SH3KBP1: variants seen among roughly 807,000 people sequenced by gnomAD.
The protein encoded by SH3KBP1 is SH3 domain-containing kinase-binding protein 1.
A neutral mutation model predicts 50.1 loss-of-function variants in SH3KBP1; 8 were observed. The observed-to-expected ratio is 0.16, with a 90% confidence interval of 0.09 to 0.29. SH3KBP1 has a LOEUF of 0.29. Ranked by LOEUF, SH3KBP1 falls within the 10% of genes least tolerant of loss-of-function variation. SH3KBP1 has a pLI of 1.00. For synonymous variants in SH3KBP1, 227 were observed against 218.6 expected (o/e 1.04, Z -0.34); for missense variants, 377 against 535.2 (o/e 0.70, Z 2.92).
chrX:19,780,101 C>G (rs1404255721), intron 2 of SH3KBP1, among the ~76,000 whole-genome samples: 1 of 108,679 alleles, frequency 9.2e-6, no homozygotes, highest in African/African-American at 3.3e-5. Context: ...TCTCCAGCAC[C>G]TGTTGTTTCC....
intron 1 of SH3KBP1, among the ~76,000 whole-genome samples, chrX:19,859,353 G>A (rs1165137274): frequency 9.0e-6 from 1 of 110,623 alleles, no homozygotes; most frequent in Non-Finnish European, 1.9e-5. Context: ...TCACCATGTT[G>A]GCCAGACTGG....
chrX:19,633,086 G>T (rs1325232371), intron 7 of SH3KBP1, among the ~76,000 whole-genome samples: 32 of 111,671 alleles, frequency 2.9e-4, no homozygotes. Flanking sequence ...AACAACCAGA[G>T]ATTGTGACAT....
At chrX:19,686,972 C>G (rs968978533) in intron 5 of SH3KBP1, among the ~76,000 whole-genome samples, 1 of 112,089 alleles carries the variant, frequency 8.9e-6, no homozygotes, top group Non-Finnish European at 1.9e-5. Flanking sequence ...TAATTTAACA[C>G]TCACATGGAT....
chrX:19,764,657 G>A (rs971331187), intron 2 of SH3KBP1, among the ~76,000 whole-genome samples: 5 of 111,481 alleles, frequency 4.5e-5, no homozygotes, highest in African/African-American at 1.6e-4. Context: ...AAAAGGCGAT[G>A]GTGCATTATC....
intron 3 of SH3KBP1, chrX:19,740,774 G>A (rs747149939): frequency 3.1e-6 from 1 of 327,546 alleles, no homozygotes; most frequent in East Asian, 1.0e-4. Context: ...TCCATCCTTT[G>A]TTAACAGTTT....
intron 13 of SH3KBP1, among the ~76,000 whole-genome samples, chrX:19,554,275 A>G: frequency 1.1e-5 from 1 of 87,010 alleles, no homozygotes; most frequent in Admixed American, 1.6e-4. Context: ...ATTAAAATAT[A>G]TATCATATTA....
At chrX:19,842,090 T>C (rs2068237588) in intron 1 of SH3KBP1, among the ~76,000 whole-genome samples, 2 of 111,428 alleles carry the variant, frequency 1.8e-5, no homozygotes, top group African/African-American at 6.5e-5. Flanking sequence ...GGACTGCAGA[T>C]GGGTATGAAG....
intron 5 of SH3KBP1, among the ~76,000 whole-genome samples, chrX:19,694,378 C>T (rs2148635708): frequency 9.0e-6 from 1 of 111,245 alleles, no homozygotes; most frequent in Admixed American, 9.5e-5. Flanking sequence ...TCTCCCCTCC[C>T]AGTAGTACTC....
At chrX:19,667,691 A>G (rs1219490421) in intron 6 of SH3KBP1, among the ~76,000 whole-genome samples, 1 of 111,718 alleles carries the variant, frequency 9.0e-6, no homozygotes. Flanking sequence ...AATATATTTT[A>G]CAACAATAAA....
At chrX:19,700,044 C>A in intron 4 of SH3KBP1, among the ~76,000 whole-genome samples, 1 of 111,094 alleles carries the variant, frequency 9.0e-6, no homozygotes, top group Admixed American at 9.5e-5. Context: ...ACTTTGATAC[C>A]CAAACCCCAG....
At chrX:19,626,964 C>T (rs1190778377) in intron 8 of SH3KBP1, among the ~76,000 whole-genome samples, 1 of 111,598 alleles carries the variant, frequency 9.0e-6, no homozygotes, top group Non-Finnish European at 1.9e-5. Flanking sequence ...TCCATCTCTA[C>T]GACTCCACGA....
chrX:19,834,661 T>C (rs1603272714), intron 2 of SH3KBP1, among the ~76,000 whole-genome samples: 1 of 112,078 alleles, frequency 8.9e-6, no homozygotes, highest in East Asian at 2.8e-4. Flanking sequence ...TTTCAAAACA[T>C]TACTGAAGAA....
chrX:19,632,335 G>A (rs1304855888), intron 7 of SH3KBP1, among the ~76,000 whole-genome samples: 2 of 112,146 alleles, frequency 1.8e-5, no homozygotes, highest in African/African-American at 3.2e-5. Context: ...AAAACCTTAA[G>A]TTTTGCCTCA....
At chrX:19,759,559 C>A (rs1046522785) in intron 2 of SH3KBP1, among the ~76,000 whole-genome samples, 1 of 111,886 alleles carries the variant, frequency 8.9e-6, no homozygotes, top group African/African-American at 3.3e-5. Context: ...AAGCCCGTGA[C>A]AAAACAATGC....
At chrX:19,575,929 C>T (rs893445763) in intron 12 of SH3KBP1, among the ~76,000 whole-genome samples, 3 of 111,568 alleles carry the variant, frequency 2.7e-5, no homozygotes, top group African/African-American at 9.8e-5. Context: ...TACCATTTGG[C>T]AAAAGGGATG....
intron 3 of SH3KBP1, among the ~76,000 whole-genome samples, chrX:19,743,383 T>C (rs2064828544): frequency 9.2e-6 from 1 of 109,145 alleles, no homozygotes; most frequent in African/African-American, 3.4e-5. Flanking sequence ...CACTCCAGCC[T>C]GGATGTCAGA....
intron 2 of SH3KBP1, among the ~76,000 whole-genome samples, chrX:19,816,436 A>G (rs763696497): frequency 8.9e-6 from 1 of 112,006 alleles, no homozygotes; most frequent in African/African-American, 3.2e-5. Flanking sequence ...TGGTTTGCAA[A>G]TATTTCCTCC....
chrX:19,718,163 C>G (rs916331161), intron 3 of SH3KBP1, among the ~76,000 whole-genome samples: 4 of 110,689 alleles, frequency 3.6e-5, no homozygotes, highest in Non-Finnish European at 5.7e-5. Flanking sequence ...CACACACACA[C>G]ACACACACAC....
chrX:19,643,633 G>A (rs2061923395), intron 7 of SH3KBP1, among the ~76,000 whole-genome samples: 1 of 110,785 alleles, frequency 9.0e-6, no homozygotes, highest in Non-Finnish European at 1.9e-5. Context: ...TCCCTTTCCT[G>A]ACCTGCTACC....
Sources: gnomAD v4.1 joint callset for allele counts (sites outside exome capture counted in the v4.1 genomes callset) on GRCh38, gnomAD v4.1.1 for gene constraint, MANE v1.5 for transcripts, NCBI Gene and HGNC (gene_info 2026-07-23, HGNC 2026-07-21) for gene names.